Variants in CPA6 observed in about 807,000 individuals in gnomAD.
CPA6 encodes carboxypeptidase B.
CPA6 carries 58 observed loss-of-function variants against 63.3 expected under a neutral mutation model. That is an observed-to-expected ratio of 0.92 (90% CI 0.74 to 1.14). The LOEUF (loss-of-function observed/expected upper bound fraction) is 1.14. Among genes scored for constraint, CPA6 ranks in the 50% most tolerant of loss-of-function variants. CPA6 has a pLI of 0.00. For synonymous variants in CPA6, 185 were observed against 179.0 expected (o/e 1.03, Z -0.27); for missense variants, 565 against 526.6 (o/e 1.07, Z -0.71).
chr8:67,611,134 GTGCAGTGGTGCAATGCCGGCTCAC>G (rs1814797572), intron 2 of CPA6, among the ~76,000 whole-genome samples: 1 of 151,102 alleles, frequency 6.6e-6, no homozygotes, highest in Non-Finnish European at 1.5e-5. Flanking sequence ...CTGGGTTAGA[GTGCAGTGGTGCAATGCCGGCTCAC>G]TGCAACCTCC....
intron 1 of CPA6, among the ~76,000 whole-genome samples, chr8:67,661,875 C>T (rs1054686635): frequency 2.0e-5 from 3 of 152,138 alleles, no homozygotes; most frequent in Admixed American, 6.5e-5. Flanking sequence ...TGTCTTTCTG[C>T]GTCTAGTTTA....
intron 2 of CPA6, among the ~76,000 whole-genome samples, chr8:67,579,978 A>T (rs900118): frequency 0.58 from 88,213 of 151,994 alleles, 27,954 homozygotes; most frequent in African/African-American, 0.84. Context: ...AAATAAACGA[A>T]CATTGCAACA....
intron 1 of CPA6, among the ~76,000 whole-genome samples, chr8:67,665,830 G>C (rs1816214824): frequency 6.6e-6 from 1 of 152,226 alleles, no homozygotes. Context: ...AACCTCTCTA[G>C]TCGGTAGTTT....
chr8:67,614,118 G>A (rs1814879628), intron 2 of CPA6, among the ~76,000 whole-genome samples: 1 of 152,214 alleles, frequency 6.6e-6, no homozygotes, highest in Non-Finnish European at 1.5e-5. Flanking sequence ...CTCTGCCCTT[G>A]TGAAAAGGCA....
At chr8:67,512,171 C>T (rs1213269794) in intron 3 of CPA6, among the ~76,000 whole-genome samples, 1 of 152,202 alleles carries the variant, frequency 6.6e-6, no homozygotes, top group Non-Finnish European at 1.5e-5. Flanking sequence ...AACCCAAATT[C>T]CAATCTTGAG....
intron 1 of CPA6, among the ~76,000 whole-genome samples, chr8:67,706,276 G>T (rs1563401198): frequency 6.6e-6 from 1 of 152,190 alleles, no homozygotes; most frequent in Non-Finnish European, 1.5e-5. Flanking sequence ...TCCCCAAGCC[G>T]TGCTGGTAAA....
chr8:67,649,556 T>G (rs1035767860), intron 1 of CPA6, among the ~76,000 whole-genome samples: 1 of 152,222 alleles, frequency 6.6e-6, no homozygotes, highest in Non-Finnish European at 1.5e-5. Context: ...TTCTTTCTAT[T>G]TTTAAGGATT....
At chr8:67,439,682 C>G (rs1209658977) in intron 8 of CPA6, among the ~76,000 whole-genome samples, 1 of 151,902 alleles carries the variant, frequency 6.6e-6, no homozygotes, top group East Asian at 1.9e-4. Flanking sequence ...AGAAATAAGT[C>G]TTAAAGTAAC....
At chr8:67,670,915 C>T (rs1816329226) in intron 1 of CPA6, among the ~76,000 whole-genome samples, 1 of 152,152 alleles carries the variant, frequency 6.6e-6, no homozygotes, top group African/African-American at 2.4e-5. Context: ...TATACATTTC[C>T]TCTGCATCAT....
At chr8:67,473,421 T>C (rs565034551) in intron 8 of CPA6, among the ~76,000 whole-genome samples, 1 of 152,296 alleles carries the variant, frequency 6.6e-6, no homozygotes, top group African/African-American at 2.4e-5. Context: ...GGTAAGATAG[T>C]AGCAGTAATG....
At chr8:67,630,332 A>T (rs183152464) in intron 1 of CPA6, among the ~76,000 whole-genome samples, 1,833 of 152,098 alleles carry the variant, frequency 0.012, 20 homozygotes, top group South Asian at 0.021. Flanking sequence ...GATGAACCTA[A>T]CAGGTGCAGC....
intron 2 of CPA6, among the ~76,000 whole-genome samples, chr8:67,534,240 G>T (rs1034639675): frequency 6.6e-6 from 1 of 152,096 alleles, no homozygotes; most frequent in African/African-American, 2.4e-5. Context: ...TAATGAATAT[G>T]TCATGGATAC....
intron 5 of CPA6, among the ~76,000 whole-genome samples, chr8:67,509,013 C>T (rs1391630004): frequency 1.3e-5 from 2 of 152,052 alleles, no homozygotes; most frequent in Non-Finnish European, 2.9e-5. Context: ...GAAGGAGGCA[C>T]AGCTTACATG....
Position 67,496,314 on chromosome 8 carries a change from A to G in CPA6, c.636+10473T>C, listed in dbSNP as rs527536719. On this transcript the variant is annotated intron_variant, in intron 6 of 10. Transcript: ENST00000297770. ...CTGTTGATGCCCATAATATAAGCAGAATGCTAAAAATGTGGTGATCAACAT... is the reference window on the plus strand; with the variant it reads ...CTGTTGATGCCCATAATATAAGCAGGATGCTAAAAATGTGGTGATCAACAT... Among the ~76,000 whole-genome samples, 7 of 152,132 alleles carry G rather than the reference A, an allele frequency of 4.6e-5. 1 individual carries two copies. In the South Asian group the frequency reaches 1.2e-3, roughly 27 times the overall value.
chr8:67,516,017 G>A (rs563523001), intron 3 of CPA6, among the ~76,000 whole-genome samples: 2 of 152,130 alleles, frequency 1.3e-5, no homozygotes, highest in South Asian at 2.1e-4. Flanking sequence ...TTAGACCCAG[G>A]GATGAATACT....
At chr8:67,553,098 T>C (rs774067239) in intron 2 of CPA6, among the ~76,000 whole-genome samples, 41 of 152,208 alleles carry the variant, frequency 2.7e-4, no homozygotes, top group Non-Finnish European at 5.4e-4. Flanking sequence ...ACCCATATGT[T>C]ATCAAATTGA....
In CPA6 at chr8:67,463,123, T is replaced by C. The variant is rs973663905; in HGVS notation, c.838+20645A>G. 3.3e-5 allele frequency among the ~76,000 whole-genome samples: 5 copies of C among 152,200 alleles called. No individual in the cohort carries two copies. In the South Asian group the frequency reaches 6.2e-4, roughly 19 times the overall value. ...ATGGGAAAAATAAATGCAGAAAACATACTATTAAAAGCAAATTTGTTCTTT... is the reference window on the plus strand; with the variant it reads ...ATGGGAAAAATAAATGCAGAAAACACACTATTAAAAGCAAATTTGTTCTTT... On this transcript the variant is annotated intron_variant, in intron 8 of 10. Transcript: ENST00000297770.
At chr8:67,501,839 A>G (rs1297262422) in intron 6 of CPA6, among the ~76,000 whole-genome samples, 1 of 152,194 alleles carries the variant, frequency 6.6e-6, no homozygotes, top group African/African-American at 2.4e-5. Flanking sequence ...AACATTTGGT[A>G]GAATTCTCCA....
intron 9 of CPA6, among the ~76,000 whole-genome samples, chr8:67,430,226 C>A (rs1411051181): frequency 6.9e-6 from 1 of 145,194 alleles, no homozygotes; most frequent in Admixed American, 7.1e-5. Context: ...GTCGCCCAGG[C>A]TGGAGTGCAA....
Sources: allele counts gnomAD v4.1 joint callset (sites outside exome capture counted in the v4.1 genomes callset), GRCh38; gene constraint gnomAD v4.1.1; transcripts MANE v1.5; gene names NCBI Gene and HGNC (gene_info 2026-07-23, HGNC 2026-07-21).